SLC8A3: variants seen among roughly 807,000 people sequenced by gnomAD.
The protein encoded by SLC8A3 is sodium/calcium exchanger 3.
A neutral mutation model predicts 65.4 loss-of-function variants in SLC8A3; 37 were observed. The ratio of observed to expected loss-of-function variants is 0.57; its 90% CI spans 0.44 to 0.74. SLC8A3 has a LOEUF of 0.74. SLC8A3 is among the 30% of genes least tolerant of loss of function. The pLI, the probability that SLC8A3 is intolerant of heterozygous loss-of-function variation, is 0.00. For synonymous variants in SLC8A3, 461 were observed against 444.5 expected (o/e 1.04, Z -0.47); for missense variants, 1,112 against 1,172.1 (o/e 0.95, Z 0.75).
intron 2 of SLC8A3, among the ~76,000 whole-genome samples, chr14:70,134,136 C>T (rs367599251): frequency 9.3e-4 from 142 of 152,300 alleles, no homozygotes; most frequent in African/African-American, 3.3e-3. Flanking sequence ...TGCCAAGACA[C>T]TGCCTTTTCC....
intron 1 of SLC8A3, among the ~76,000 whole-genome samples, chr14:70,179,374 C>T (rs1284622011): frequency 6.6e-6 from 1 of 152,164 alleles, no homozygotes; most frequent in Non-Finnish European, 1.5e-5. Flanking sequence ...GAATCTGGTC[C>T]CTTTTGTTCA....
intron 6 of SLC8A3, chr14:70,048,351 T>A: frequency 2.2e-6 from 1 of 455,566 alleles, no homozygotes; most frequent in African/African-American, 1.9e-5. Flanking sequence ...GAACAATATC[T>A]ACATTCTTTT....
chr14:70,067,537 C>T (rs1333864271), intron 2 of SLC8A3, among the ~76,000 whole-genome samples: 1 of 152,216 alleles, frequency 6.6e-6, no homozygotes, highest in African/African-American at 2.4e-5. Context: ...ACAGAACGCC[C>T]TCAAACATAA....
At chr14:70,151,002 C>T (rs1049804429) in intron 2 of SLC8A3, among the ~76,000 whole-genome samples, 9 of 152,290 alleles carry the variant, frequency 5.9e-5, no homozygotes, top group African/African-American at 2.2e-4. Flanking sequence ...TGCCTGTAAT[C>T]CCCGCACTTT....
chr14:70,069,935 T>C (rs771727900), intron 2 of SLC8A3, among the ~76,000 whole-genome samples: 1 of 152,166 alleles, frequency 6.6e-6, no homozygotes, highest in Non-Finnish European at 1.5e-5. Context: ...CCCCAGCGTG[T>C]GTGGATGCTA....
chr14:70,161,771 T>C (rs1461148205), intron 2 of SLC8A3, among the ~76,000 whole-genome samples: 10 of 152,228 alleles, frequency 6.6e-5, no homozygotes, highest in Non-Finnish European at 7.3e-5. Context: ...AAAAAATCGA[T>C]TGTGTTTTAG....
intron 2 of SLC8A3, among the ~76,000 whole-genome samples, chr14:70,107,194 C>T (rs10483828): frequency 0.029 from 4,404 of 152,124 alleles, 250 homozygotes; most frequent in African/African-American, 0.1. Context: ...TAACCACACC[C>T]TGGTGACTGA....
intron 2 of SLC8A3, among the ~76,000 whole-genome samples, chr14:70,154,572 A>G (rs1459884677): frequency 6.6e-6 from 1 of 152,176 alleles, no homozygotes; most frequent in Non-Finnish European, 1.5e-5. Flanking sequence ...AAATCTTTCA[A>G]AGCAAAAGGC....
intron 2 of SLC8A3, among the ~76,000 whole-genome samples, chr14:70,154,493 T>G (rs1332186957): frequency 6.6e-6 from 1 of 152,158 alleles, no homozygotes; most frequent in Admixed American, 6.5e-5. Flanking sequence ...GAACAACATA[T>G]ATGGCTCCCA....
intron 2 of SLC8A3, among the ~76,000 whole-genome samples, chr14:70,090,134 C>T (rs1891710539): frequency 6.6e-6 from 1 of 151,670 alleles, no homozygotes; most frequent in South Asian, 2.1e-4. Flanking sequence ...TTTATGCAGC[C>T]TGATGCTTGT....
At chr14:70,110,011 A>T (rs780574467) in intron 2 of SLC8A3, among the ~76,000 whole-genome samples, 23 of 151,986 alleles carry the variant, frequency 1.5e-4, no homozygotes, top group Non-Finnish European at 3.4e-4. Flanking sequence ...TGTAGAATAC[A>T]TCTACTTTTG....
chr14:70,048,344 C>A, intron 6 of SLC8A3: 1 of 425,696 alleles, frequency 2.3e-6, no homozygotes, highest in Non-Finnish European at 4.2e-6. Context: ...AGAAGGAGAA[C>A]AATATCTACA....
At chr14:70,110,673 C>CTTTTTTT (rs71102684) in intron 2 of SLC8A3, among the ~76,000 whole-genome samples, 20 of 91,862 alleles carry the variant, frequency 2.2e-4, no homozygotes, top group South Asian at 4.4e-4. Flanking sequence ...ATACCTCTTT[C>CTTTTTTT]TTTTTTTTTT....
rs867841994 is a variant in SLC8A3 at position 70,153,150 on chromosome 14, T to G, written c.1784+13489A>C. On this transcript the variant is annotated intron_variant, in intron 2 of 6. Transcript: ENST00000356921. ...TGGTCCTTACACCTGAGAGCCCAAT[T>G]CCAGTCCCAGGTGTCCCTGGGCTTG... 3.3e-5 allele frequency among the ~76,000 whole-genome samples: 5 copies of G among 152,224 alleles called. No individual in the cohort carries two copies. The Middle Eastern group carries it at 0.01, about 311-fold the overall frequency.
chr14:70,064,446 CTG>C (rs888301545), intron 2 of SLC8A3, among the ~76,000 whole-genome samples: 3 of 148,460 alleles, frequency 2.0e-5, no homozygotes, highest in African/African-American at 7.4e-5. Context: ...AAGGGACAAA[CTG>C]GTTTGTGGAA....
chr14:70,047,014 G>T (rs930967299), intron 6 of SLC8A3: 2 of 152,216 alleles, frequency 1.3e-5, no homozygotes, highest in East Asian at 1.9e-4. Context: ...AAGGGTCAAA[G>T]AATTTACCCA....
chr14:70,080,197 G>A (rs1286231258), intron 2 of SLC8A3: 1 of 985,162 alleles, frequency 1.0e-6, no homozygotes, highest in Non-Finnish European at 1.2e-6. Context: ...TGCTGGAAGA[G>A]TTGATACTCA....
At chr14:70,119,752 C>T (rs1017713691) in intron 2 of SLC8A3, among the ~76,000 whole-genome samples, 9 of 152,248 alleles carry the variant, frequency 5.9e-5, no homozygotes, top group East Asian at 1.9e-4. Context: ...TTCATCTATA[C>T]GTTAAAGAGG....
intron 2 of SLC8A3, among the ~76,000 whole-genome samples, chr14:70,079,198 A>C (rs1328961772): frequency 6.6e-6 from 1 of 152,016 alleles, no homozygotes; most frequent in Admixed American, 6.6e-5. Context: ...TATCTGTTGA[A>C]TGAGGCTAGG....
Sources: gnomAD v4.1 joint callset for allele counts (sites outside exome capture counted in the v4.1 genomes callset) on GRCh38, gnomAD v4.1.1 for gene constraint, MANE v1.5 for transcripts, NCBI Gene and HGNC (gene_info 2026-07-23, HGNC 2026-07-21) for gene names.